MTHFD2L: variants seen among roughly 807,000 people sequenced by gnomAD.
MTHFD2L encodes bifunctional methylenetetrahydrofolate dehydrogenase/cyclohydrolase 2, mitochondrial.
In MTHFD2L, 29 loss-of-function variants were observed where a neutral mutation model predicts 34.9. The observed-to-expected ratio is 0.83, with a 90% CI of 0.62 to 1.13. The LOEUF (loss-of-function observed/expected upper bound fraction) is 1.13. Among genes scored for constraint, MTHFD2L ranks in the 50% most tolerant of loss-of-function variants. The pLI, the probability that MTHFD2L is intolerant of heterozygous loss-of-function variation, is 0.00. For synonymous variants in MTHFD2L, 167 were observed against 155.7 expected, an observed-to-expected ratio of 1.07 and a Z score of -0.54; for missense variants, 481 against 446.5, an observed-to-expected ratio of 1.08 and a Z score of -0.70.
chr4:74,264,773 G>C (rs527359524), intron 6 of MTHFD2L, among the ~76,000 whole-genome samples: 2 of 151,752 alleles, frequency 1.3e-5, no homozygotes, highest in Admixed American at 6.6e-5. Flanking sequence ...TAATATTAAT[G>C]GATTTCTTTT....
In MTHFD2L at chr4:74,211,960, A is replaced by G. The variant is rs143584279; in HGVS notation, c.712+10590A>G. On this transcript the variant is annotated intron_variant, in intron 5 of 7. Transcript: ENST00000325278. Reference sequence around the variant, plus strand: ...TGTATCCATTTCTTCTAGATTTTCTAGTTTATTTGTGTAGAGGTGTTTATA... The same window carrying G: ...TGTATCCATTTCTTCTAGATTTTCTGGTTTATTTGTGTAGAGGTGTTTATA... 4.3e-3 allele frequency among the ~76,000 whole-genome samples: 652 copies of G among 151,888 alleles called. 6 individuals carry two copies. The highest frequency in any genetic ancestry group is 0.014 in the African/African-American group (585 of 41,426).
intron 5 of MTHFD2L, among the ~76,000 whole-genome samples, chr4:74,206,134 T>TAAA (rs77020635): frequency 7.9e-6 from 1 of 126,442 alleles, no homozygotes; most frequent in African/African-American, 2.8e-5. Context: ...CCAAAACTAG[T>TAAA]AAAAAAAAAA....
At chr4:74,117,178 A>G (rs1469311186) in intron 2 of MTHFD2L, among the ~76,000 whole-genome samples, 2 of 152,232 alleles carry the variant, frequency 1.3e-5, no homozygotes, top group Non-Finnish European at 2.9e-5. Flanking sequence ...AACAAATGAC[A>G]TTGTCTAGGA....
chr4:74,299,805 T>G (rs1750068013), intron 7 of MTHFD2L, among the ~76,000 whole-genome samples: 1 of 152,042 alleles, frequency 6.6e-6, no homozygotes. Flanking sequence ...TGCTGATGTC[T>G]AGTTAAGGGA....
In MTHFD2L at chr4:74,201,333, G is replaced by A. The variant is rs1349731026; in HGVS notation, c.675G>A (p.Met225Ile). The change falls in exon 5 of 8, where the codon ATG (methionine) becomes ATA (isoleucine). Residue 225 changes from methionine (M) to isoleucine (I), a missense_variant. By Grantham distance (10) the Met-to-Ile change is conservative (BLOSUM62 1). Coordinates refer to ENST00000325278, the MANE Select transcript of MTHFD2L (RefSeq NM_001144978.3). ...AGAACGTAGGGATGCCTATTGCCATGCTTTTACACACTGATGGAGAGCATG... is the reference window on the plus strand; with the variant it reads ...AGAACGTAGGGATGCCTATTGCCATACTTTTACACACTGATGGAGAGCATG... ...RSKNVGMPIA[M>I]LLHTDGEHER... 1 of 1,613,844 alleles carries A rather than the reference G, an allele frequency of 6.2e-7. No individual in the cohort carries two copies. Among genetic ancestry groups the A allele is most frequent in the South Asian group, 1.1e-5 (1 of 91,036 alleles).
chr4:74,186,454 A>C (rs1578394065), intron 3 of MTHFD2L, among the ~76,000 whole-genome samples: 1 of 150,880 alleles, frequency 6.6e-6, no homozygotes, highest in African/African-American at 2.4e-5. Context: ...AAAAAAAAAA[A>C]AAAAACAGCT....
At chr4:74,215,309 C>G (rs1208739447) in intron 5 of MTHFD2L, among the ~76,000 whole-genome samples, 1 of 151,782 alleles carries the variant, frequency 6.6e-6, no homozygotes, top group Non-Finnish European at 1.5e-5. Flanking sequence ...TGCTTGAAAC[C>G]CAGGGCCCTA....
At chr4:74,204,664 C>G (rs1326283819) in intron 5 of MTHFD2L, among the ~76,000 whole-genome samples, 2 of 152,016 alleles carry the variant, frequency 1.3e-5, no homozygotes. Flanking sequence ...ATGCTAATTT[C>G]TTGATAAATT....
chr4:74,174,532 C>T lies in MTHFD2L; in HGVS notation c.170C>T (p.Thr57Ile), dbSNP rs768896453. ...VRHEAIIISGTEMAKHIQKEI... is the reference protein window; with the variant it reads ...VRHEAIIISGIEMAKHIQKEI... ...CATGAAGCCATTATTATATCAGGAA[C>T]CGAAATGGCCAAGCATATCCAGAAA... Residue 57 changes from threonine (T) to isoleucine (I), a missense_variant, in exon 2 of 8, where the codon ACC (threonine) becomes ATC (isoleucine). Coordinates refer to ENST00000325278, the MANE Select transcript of MTHFD2L (RefSeq NM_001144978.3). 14 of 1,564,996 alleles carry T rather than the reference C, an allele frequency of 8.9e-6. No individual in the cohort carries two copies. In the South Asian group the frequency reaches 1.5e-4, roughly 16 times the overall value.
chr4:74,208,071 C>A (rs1375566565), intron 5 of MTHFD2L, among the ~76,000 whole-genome samples: 1 of 152,064 alleles, frequency 6.6e-6, no homozygotes. Flanking sequence ...CTAACTGGGA[C>A]AGGGGATGGC....
intron 6 of MTHFD2L, among the ~76,000 whole-genome samples, chr4:74,228,718 T>C (rs1414894995): frequency 6.6e-6 from 1 of 151,944 alleles, no homozygotes; most frequent in Non-Finnish European, 1.5e-5. Context: ...TACAGATATT[T>C]AAAAAGAAGA....
intron 1 of MTHFD2L, among the ~76,000 whole-genome samples, chr4:74,128,111 A>G (rs1722208950): frequency 6.6e-6 from 1 of 151,930 alleles, no homozygotes; most frequent in Non-Finnish European, 1.5e-5. Flanking sequence ...GTTTTGCGCT[A>G]TTGAATTGTT....
In MTHFD2L at chr4:74,146,138, C is replaced by T. The variant is rs1231677268; in HGVS notation, c.-296-13917C>T. Among the ~76,000 whole-genome samples the T allele has an allele frequency of 2.6e-5, 4 of 152,156 alleles. No homozygotes were observed. The South Asian group carries it at 6.2e-4, about 24-fold the overall frequency. ...TTAGTAGTCAGGAAAATTTAAATTA[C>T]GATTTCTGCAAATACTATTTGTTCT... On this transcript the variant is annotated intron_variant, in intron 1 of 7. Transcript: ENST00000433372.
chr4:74,161,683 T>C (rs1273742809), intron 1 of MTHFD2L: 2 of 152,208 alleles, frequency 1.3e-5, no homozygotes, highest in African/African-American at 4.8e-5. Context: ...TTAGATCTTG[T>C]TAGTTAATCA....
At chr4:74,155,541 G>A (rs968104008), upstream of MTHFD2L, among the ~76,000 whole-genome samples, 2 of 152,018 alleles carry the variant, frequency 1.3e-5, no homozygotes, top group African/African-American at 2.4e-5. Flanking sequence ...AGTGAGAATT[G>A]TTTGTTAATT....
chr4:74,246,911 A>G (rs1341746354), intron 6 of MTHFD2L, among the ~76,000 whole-genome samples: 1 of 152,130 alleles, frequency 6.6e-6, no homozygotes, highest in Non-Finnish European at 1.5e-5. Flanking sequence ...GTCAGGTAGC[A>G]TGATGTCTCC....
At chr4:74,240,439 ACT>A (rs1287065830) in intron 6 of MTHFD2L, among the ~76,000 whole-genome samples, 1 of 152,142 alleles carries the variant, frequency 6.6e-6, no homozygotes, top group Non-Finnish European at 1.5e-5. Context: ...AAGTGGAAAC[ACT>A]CTAAACATTC....
Position 74,158,120 on chromosome 4 carries a change from A to C in MTHFD2L, c.-19A>C. Reference sequence around the variant, plus strand: ...CGCGGGAGGTGGAGCCCCAGTCCGGAAGCCGGGGATCCGCGGCCATGACGG... The same window carrying C: ...CGCGGGAGGTGGAGCCCCAGTCCGGCAGCCGGGGATCCGCGGCCATGACGG... On this transcript the variant is annotated 5_prime_UTR_variant, in exon 1 of 8. Transcript: ENST00000325278. The C allele has an allele frequency of 6.5e-7, 1 of 1,530,432 alleles. No individual in the cohort carries two copies. The highest frequency in any genetic ancestry group is 1.2e-5 in the South Asian group (1 of 82,954). 94.8% of individuals were successfully genotyped at this position (1,530,432 alleles called of 1,614,324 possible). A position where few individuals can be genotyped will look rare whatever the true frequency, so the allele number is the denominator to read the frequency against.
At chr4:74,167,348 A>G (rs549321993) in intron 1 of MTHFD2L, among the ~76,000 whole-genome samples, 2 of 152,344 alleles carry the variant, frequency 1.3e-5, no homozygotes, top group Middle Eastern at 3.4e-3. Flanking sequence ...TACTTCTTCA[A>G]GCGATAGACA....
Sources: gnomAD v4.1 joint callset for allele counts (sites outside exome capture counted in the v4.1 genomes callset) on GRCh38, gnomAD v4.1.1 for gene constraint, MANE v1.5 for transcripts, NCBI Gene and HGNC (gene_info 2026-07-23, HGNC 2026-07-21) for gene names.